The following KCNQ3 variants were observed in gnomAD, a reference collection of about 807,000 sequenced individuals.
KCNQ3 encodes potassium voltage-gated channel subfamily Q member 3.
Under a neutral mutation model 92.5 loss-of-function variants are expected in KCNQ3, and 30 were observed. That is an observed-to-expected ratio of 0.32 (90% CI 0.24 to 0.44). The LOEUF is 0.44. Ranked by LOEUF, KCNQ3 falls within the 20% of genes least tolerant of loss-of-function variation. The probability of loss-of-function intolerance (pLI) is 1.00; values close to 1 mark genes in which losing one functional copy is unlikely to be tolerated. For synonymous variants in KCNQ3, 450 were observed against 468.8 expected (o/e 0.96, Z 0.52); for missense variants, 913 against 1,140.3 (o/e 0.80, Z 2.87).
chr8:132,186,706 C>T, intron 1 of KCNQ3: 1 of 255,314 alleles, frequency 3.9e-6, no homozygotes, highest in Non-Finnish European at 7.8e-6. Flanking sequence ...TTCATTTTTA[C>T]AGTCAATGGA....
At chr8:132,351,085 C>A (rs1401780057) in intron 1 of KCNQ3, among the ~76,000 whole-genome samples, 1 of 152,094 alleles carries the variant, frequency 6.6e-6, no homozygotes, top group Non-Finnish European at 1.5e-5. Context: ...CTGCTTCCCC[C>A]ACAGTGACAG....
chr8:132,165,589 A>G (rs1041396438), intron 8 of KCNQ3, among the ~76,000 whole-genome samples: 2 of 152,142 alleles, frequency 1.3e-5, no homozygotes, highest in Non-Finnish European at 2.9e-5. Flanking sequence ...ACTCTCACAC[A>G]TTTTACTCAG....
In KCNQ3 at chr8:132,385,724, T is replaced by C. The variant is rs186439979; in HGVS notation, c.386+94423A>G. 3.9e-5 allele frequency among the ~76,000 whole-genome samples: 6 copies of C among 152,028 alleles called. No homozygotes were observed. The East Asian group carries it at 1.2e-3, about 30-fold the overall frequency. ...TTGGTAGGAGAGGGGGAAGGGGCAA[T>C]GGGGACAAATTTGTGTATGGGTACA... is the stretch of plus-strand genomic sequence containing the variant. On this transcript the variant is annotated intron_variant, in intron 1 of 14. Transcript: ENST00000388996.
At chr8:132,340,311 CAT>C (rs1818490189) in intron 1 of KCNQ3, among the ~76,000 whole-genome samples, 1 of 152,148 alleles carries the variant, frequency 6.6e-6, no homozygotes, top group Admixed American at 6.5e-5. Flanking sequence ...CGCATGCACA[CAT>C]ATGTTTATTG....
chr8:132,480,458 C>A lies in KCNQ3; in HGVS notation c.75G>T (p.Ala25=), dbSNP rs1554660829. 7.8e-7 allele frequency: 1 copy of A among 1,284,660 alleles called. No individual in the cohort carries two copies. The allele number at this position is 1,284,660 out of a possible 1,614,324, so 79.6% of individuals were successfully genotyped here. The change falls in exon 1 of 15, where the codon GCG becomes GCT. Residue 25 remains alanine, a synonymous_variant. Coordinates refer to ENST00000388996, the MANE Select transcript of KCNQ3 (RefSeq NM_004519.4). ...CCGCGTCCCCTCCGGCTGGGTTAGCCGCCCCGCCGCCTCCGCCGCCCCCGT... is the reference window on the plus strand; with the variant it reads ...CCGCGTCCCCTCCGGCTGGGTTAGCAGCCCCGCCGCCTCCGCCGCCCCCGT... ...GGDGGGGGGG[A]ANPAGGDAAA...
chr8:132,258,633 CAGA>C lies in KCNQ3; in HGVS notation c.387-72455_387-72453del, dbSNP rs751716125. Among the ~76,000 whole-genome samples, 7 of 151,824 alleles carry C rather than the reference CAGA, an allele frequency of 4.6e-5. No individual in the cohort carries two copies. The South Asian group carries it at 8.3e-4, about 18-fold the overall frequency. ...AATAGCAAATGAACCGTAAAGTAGG[CAGA>C]AGAAGGAAAATAATGACTACAGCAG... On this transcript the variant is annotated intron_variant, in intron 1 of 14. Coordinates refer to ENST00000388996, the MANE Select transcript of KCNQ3 (RefSeq NM_004519.4).
chr8:132,237,544 A>C (rs1389788504), intron 1 of KCNQ3, among the ~76,000 whole-genome samples: 1 of 152,218 alleles, frequency 6.6e-6, no homozygotes, highest in African/African-American at 2.4e-5. Flanking sequence ...GCCAGTGCAC[A>C]GCAACCCACT....
intron 1 of KCNQ3, among the ~76,000 whole-genome samples, chr8:132,310,249 C>T (rs1258309281): frequency 6.6e-6 from 1 of 152,216 alleles, no homozygotes; most frequent in African/African-American, 2.4e-5. Context: ...GATGCTTTCA[C>T]TGCTGTTTTA....
At chr8:132,382,687 T>A (rs1251563832) in intron 1 of KCNQ3, among the ~76,000 whole-genome samples, 1 of 152,186 alleles carries the variant, frequency 6.6e-6, no homozygotes, top group Non-Finnish European at 1.5e-5. Flanking sequence ...GAGAAAGAGA[T>A]GCCTTTAGCC....
At chr8:132,140,452 G>A (rs1482282368) in intron 10 of KCNQ3, 4 of 420,558 alleles carry the variant, frequency 9.5e-6, no homozygotes, top group South Asian at 6.2e-5. Flanking sequence ...AGTGAGCTCC[G>A]CAGTTCCAGA....
chr8:132,321,259 C>T (rs771111827), intron 1 of KCNQ3, among the ~76,000 whole-genome samples: 8 of 152,210 alleles, frequency 5.3e-5, no homozygotes, highest in Non-Finnish European at 1.2e-4. Flanking sequence ...CCAGTTCTTG[C>T]CAGGTTCTTA....
chr8:132,427,886 G>A (rs926173705), intron 1 of KCNQ3, among the ~76,000 whole-genome samples: 2 of 152,122 alleles, frequency 1.3e-5, no homozygotes, highest in African/African-American at 4.8e-5. Context: ...GCCTTTAATC[G>A]CTTTAAAGAT....
chr8:132,341,857 G>A (rs1293186435), intron 1 of KCNQ3, among the ~76,000 whole-genome samples: 3 of 152,248 alleles, frequency 2.0e-5, no homozygotes, highest in East Asian at 3.9e-4. Context: ...TTTTTACCTG[G>A]CAAAAATAAT....
intron 1 of KCNQ3, among the ~76,000 whole-genome samples, chr8:132,242,692 C>T (rs1815034116): frequency 6.6e-6 from 1 of 152,184 alleles, no homozygotes; most frequent in East Asian, 1.9e-4. Flanking sequence ...CAATGCCAGG[C>T]ACATAGTAGG....
At chr8:132,191,910 T>A (rs1211495598) in intron 1 of KCNQ3, among the ~76,000 whole-genome samples, 2 of 152,052 alleles carry the variant, frequency 1.3e-5, no homozygotes, top group Non-Finnish European at 2.9e-5. Context: ...AATGTGCTGT[T>A]CGCAGACATC....
chr8:132,316,309 A>T (rs1213013866), intron 1 of KCNQ3, among the ~76,000 whole-genome samples: 1 of 152,060 alleles, frequency 6.6e-6, no homozygotes, highest in Non-Finnish European at 1.5e-5. Flanking sequence ...TCCCCTTCTG[A>T]GTCACTCTGT....
At chr8:132,399,826 C>T (rs954395464) in intron 1 of KCNQ3, among the ~76,000 whole-genome samples, 1 of 152,196 alleles carries the variant, frequency 6.6e-6, no homozygotes, top group South Asian at 2.1e-4. Flanking sequence ...TCAGTTTCTC[C>T]TTCTGTAAAA....
At chr8:132,398,852 T>G (rs983339638) in intron 1 of KCNQ3, among the ~76,000 whole-genome samples, 6 of 152,218 alleles carry the variant, frequency 3.9e-5, no homozygotes, top group Admixed American at 3.3e-4. Flanking sequence ...CAGGTGATAC[T>G]GGCATCTGCC....
chr8:132,327,327 A>G (rs1237156522), intron 1 of KCNQ3, among the ~76,000 whole-genome samples: 1 of 152,190 alleles, frequency 6.6e-6, no homozygotes, highest in East Asian at 1.9e-4. Context: ...TATTTCTTTG[A>G]ATTCCCATAG....
Sources: gnomAD v4.1 joint callset for allele counts (sites outside exome capture counted in the v4.1 genomes callset) on GRCh38, gnomAD v4.1.1 for gene constraint, MANE v1.5 for transcripts, NCBI Gene and HGNC (gene_info 2026-07-23, HGNC 2026-07-21) for gene names.